The following GDNF variants were observed in gnomAD, a reference collection of about 807,000 sequenced individuals.
GDNF encodes glial cell derived neurotrophic factor, also known as glial cell line-derived neurotrophic factor.
Under a neutral mutation model 13.7 loss-of-function variants are expected in GDNF, and 5 were observed. The ratio of observed to expected loss-of-function variants is 0.36; its 90% CI spans 0.19 to 0.77. The LOEUF (loss-of-function observed/expected upper bound fraction) is 0.77, where lower values mean the gene tolerates loss of function less well. Among genes scored for constraint, GDNF ranks in the 30% least tolerant of loss-of-function variants. GDNF has a pLI of 0.51. For missense variants in GDNF, 246 were observed against 274.3 expected (o/e 0.90, Z 0.73); for synonymous variants, 122 against 112.5 (o/e 1.08, Z -0.53).
At chr5:37,825,093 C>A (rs1038292147) in intron 2 of GDNF, among the ~76,000 whole-genome samples, 1 of 152,156 alleles carries the variant, frequency 6.6e-6, no homozygotes, top group Non-Finnish European at 1.5e-5. Context: ...AAAATGCCAT[C>A]TTATTTACCA....
intron 2 of GDNF, among the ~76,000 whole-genome samples, chr5:37,833,050 G>C (rs1417208115): frequency 6.6e-6 from 1 of 152,224 alleles, no homozygotes; most frequent in African/African-American, 2.4e-5. Flanking sequence ...AGAGTTAGTT[G>C]AAAGCAGAGC....
intron 1 of GDNF, chr5:37,835,520 C>T (rs1462608175): frequency 2.0e-6 from 3 of 1,490,042 alleles, no homozygotes; most frequent in Non-Finnish European, 1.8e-6. Flanking sequence ...ACTTAACTTC[C>T]CAAAGCACTG....
At position 37,833,453 on chromosome 5, in the gene GDNF, TA is replaced by T. The variant is rs1219084697; in HGVS notation, c.151+1192del. Reference sequence around the variant, plus strand: ...CCTTTTGAAGTCTTAATTTGCCTTATAAAAAAATCCACTTTCTATCTTTCTT... The same window carrying T: ...CCTTTTGAAGTCTTAATTTGCCTTATAAAAAATCCACTTTCTATCTTTCTT... On this transcript the variant is annotated intron_variant, in intron 2 of 2. Transcript: ENST00000326524. Among the ~76,000 whole-genome samples the T allele has an allele frequency of 5.9e-5, 9 of 152,330 alleles. No homozygotes were observed. In the South Asian group the frequency reaches 1.2e-3, roughly 21 times the overall value.
chr5:37,831,534 G>A (rs922980654), intron 2 of GDNF, among the ~76,000 whole-genome samples: 1 of 152,192 alleles, frequency 6.6e-6, no homozygotes, highest in Non-Finnish European at 1.5e-5. Context: ...GTGCACCATG[G>A]TCTAAATCAT....
In GDNF at chr5:37,815,981, A is replaced by G. The variant is rs1329695695; in HGVS notation, c.306T>C (p.Asn102=). ...NRQAAAANPE[N]SRGKGRRGQR... is the part of the protein sequence containing the mutation. ...GGCCTCTCCGACCTTTTCCTCTGGA[A>G]TTCTCTGGGTTGGCAGCTGCAGCCT... is the stretch of plus-strand genomic sequence containing the variant. The change falls in exon 3 of 3, where the codon AAT becomes AAC. Residue 102 remains asparagine (N), a synonymous_variant. Coordinates refer to ENST00000326524, the MANE Select transcript of GDNF (RefSeq NM_000514.4). The surrounding 1 kb of genome is among the most constrained non-coding windows in gnomAD (Gnocchi z 5.0). The G allele has an allele frequency of 1.9e-6, 3 of 1,613,980 alleles. No individual in the cohort carries two copies. In the African/African-American group the frequency reaches 4.0e-5, roughly 22 times the overall value.
chr5:37,823,824 T>C (rs1053458639), intron 2 of GDNF, among the ~76,000 whole-genome samples: 1 of 152,136 alleles, frequency 6.6e-6, no homozygotes, highest in African/African-American at 2.4e-5. Context: ...TGCTAAAGTG[T>C]GGAGAGTCTA....
In GDNF at chr5:37,814,360, A is replaced by C. The variant is rs951968634; in HGVS notation, c.*1291T>G. The C allele has an allele frequency of 1.3e-5, 2 of 152,392 alleles. No individual in the cohort carries two copies. Among genetic ancestry groups the C allele is most frequent in the Non-Finnish European group, 2.9e-5 (2 of 68,036 alleles). The allele number at this position is 152,392 out of a possible 1,614,324, so 9.4% of individuals were successfully genotyped here. ...TTCAGCAATGGAGCAAGGAAGAAAT[A>C]AAGTCAAGTGCCAGTGGTCTCTGCA... On this transcript the variant is annotated 3_prime_UTR_variant, in exon 3 of 3. Transcript: ENST00000326524.
intron 2 of GDNF, among the ~76,000 whole-genome samples, chr5:37,819,800 ACTTT>A (rs1166268210): frequency 2.0e-5 from 3 of 151,940 alleles, no homozygotes; most frequent in African/African-American, 7.2e-5. Context: ...TTCTCACTGA[ACTTT>A]CTTTAGGAAG....
chr5:37,835,315 TAAAATC>T, intron 1 of GDNF: 1 of 548,124 alleles, frequency 1.8e-6, no homozygotes, highest in East Asian at 4.1e-5. Context: ...TCTTTGGAAA[TAAAATC>T]AAGCGCATTC....
chr5:37,823,930 C>T, intron 2 of GDNF: 2 of 334,660 alleles, frequency 6.0e-6, no homozygotes, highest in Non-Finnish European at 8.5e-6. Flanking sequence ...GCATTCAGCT[C>T]AGCCAGTACC....
intron 1 of GDNF, chr5:37,835,657 A>G: frequency 6.4e-7 from 1 of 1,550,522 alleles, no homozygotes; most frequent in South Asian, 1.2e-5. Context: ...CAAAGACTGC[A>G]TTTGTCTTGA....
At position 37,839,487 on chromosome 5, in the gene GDNF, C is replaced by G. The variant is rs1288511710; in HGVS notation, c.-27+20G>C. Reference sequence around the variant, plus strand: ...CAGGCACCACCCGCTCCCTGCTCCCCGGCCCGCTCCCTCACTTACCTCGGA... The same window carrying G: ...CAGGCACCACCCGCTCCCTGCTCCCGGGCCCGCTCCCTCACTTACCTCGGA... On this transcript the variant is annotated intron_variant, in intron 1 of 2. Transcript: ENST00000326524. The surrounding 1 kb of genome is among the most constrained non-coding windows in gnomAD (Gnocchi z 5.5). 2 of 152,924 alleles carry G rather than the reference C, an allele frequency of 1.3e-5. No individual in the cohort carries two copies. Among genetic ancestry groups the G allele is most frequent in the African/African-American group, 4.8e-5 (2 of 41,458 alleles). 9.5% of individuals were successfully genotyped at this position (152,924 alleles called of 1,614,324 possible). A position where few individuals can be genotyped will look rare whatever the true frequency, so the allele number is the denominator to read the frequency against.
intron 2 of GDNF, among the ~76,000 whole-genome samples, chr5:37,825,718 G>A (rs1023394395): frequency 5.3e-5 from 8 of 152,166 alleles, no homozygotes; most frequent in Non-Finnish European, 1.2e-4. Flanking sequence ...GCAGGACCCT[G>A]CAGGATTCTG....
At chr5:37,833,295 G>C (rs1210610961) in intron 2 of GDNF, among the ~76,000 whole-genome samples, 1 of 152,164 alleles carries the variant, frequency 6.6e-6, no homozygotes, top group East Asian at 1.9e-4. Flanking sequence ...TAAAGTTTCT[G>C]TTGGAGAAAC....
intron 2 of GDNF, among the ~76,000 whole-genome samples, chr5:37,833,361 A>C (rs1318535132): frequency 6.6e-6 from 1 of 152,234 alleles, no homozygotes; most frequent in Non-Finnish European, 1.5e-5. Flanking sequence ...AGGTTTATAC[A>C]GTTAATTGAC....
At chr5:37,832,448 A>G (rs966379590) in intron 2 of GDNF, among the ~76,000 whole-genome samples, 3 of 152,180 alleles carry the variant, frequency 2.0e-5, no homozygotes, top group Admixed American at 6.5e-5. Flanking sequence ...AAAGAAGTCA[A>G]TTTGGCTTAG....
chr5:37,819,006 G>C (rs764553178), intron 2 of GDNF, among the ~76,000 whole-genome samples: 7 of 151,998 alleles, frequency 4.6e-5, no homozygotes, highest in Non-Finnish European at 7.4e-5. Flanking sequence ...TTTATAGTCT[G>C]TCTTCTCTAA....
Position 37,815,550 on chromosome 5 carries a change from G to T in GDNF, c.*101C>A. ...CTTCTTCCTCCTCCTCCGCCTCCTT[G>T]GTCCTCATCTTCCATTCTGGGCAAA... On this transcript the variant is annotated 3_prime_UTR_variant, in exon 3 of 3. Transcript: ENST00000326524. This position sits in a 1 kb window ranked among gnomAD's most constrained non-coding sequence, Gnocchi z 5.0. The T allele has an allele frequency of 3.7e-6, 4 of 1,068,644 alleles. No individual in the cohort carries two copies. Among genetic ancestry groups the T allele is most frequent in the Non-Finnish European group, 5.7e-6 (4 of 698,592 alleles). The allele number at this position is 1,068,644 out of a possible 1,614,324, so 66.2% of individuals were successfully genotyped here. A position where few individuals can be genotyped will look rare whatever the true frequency, so the allele number is the denominator to read the frequency against.
At chr5:37,831,228 C>CTGAG in intron 2 of GDNF, among the ~76,000 whole-genome samples, 1 of 152,262 alleles carries the variant, frequency 6.6e-6, no homozygotes, top group Middle Eastern at 3.4e-3. Flanking sequence ...CCTTACTGGA[C>CTGAG]TGAGGTTCTT....
Sources: allele counts gnomAD v4.1 joint callset (sites outside exome capture counted in the v4.1 genomes callset), GRCh38; gene constraint gnomAD v4.1.1; non-coding constraint Gnocchi (gnomAD v3.1); transcripts MANE v1.5; gene names NCBI Gene and HGNC (gene_info 2026-07-23, HGNC 2026-07-21).